The following TNS3 variants were observed in gnomAD, a reference collection of about 807,000 sequenced individuals.
TNS3 encodes tensin 3, also known as tensin-3.
TNS3 carries 45 observed loss-of-function variants against 140.9 expected under a neutral mutation model. The observed-to-expected ratio is 0.32, with a 90% confidence interval of 0.25 to 0.41. The LOEUF (loss-of-function observed/expected upper bound fraction) is 0.41, where lower values mean the gene tolerates loss of function less well. Among genes scored for constraint, TNS3 ranks in the 10% least tolerant of loss-of-function variants. The pLI, the probability that TNS3 is intolerant of heterozygous loss-of-function variation, is 1.00. For missense variants in TNS3, 1,716 were observed against 1,906.7 expected (o/e 0.90, Z 1.86); for synonymous variants, 815 against 788.4 (o/e 1.03, Z -0.56).
intron 3 of TNS3, among the ~76,000 whole-genome samples, chr7:47,496,548 T>C (rs1798013744): frequency 6.6e-6 from 1 of 152,172 alleles, no homozygotes. Flanking sequence ...CAGCAGGGTA[T>C]AAACCCTCAT....
At chr7:47,545,502 C>G (rs576894489) in intron 1 of TNS3, among the ~76,000 whole-genome samples, 1 of 152,288 alleles carries the variant, frequency 6.6e-6, no homozygotes, top group East Asian at 1.9e-4. Flanking sequence ...AGTTTAACAA[C>G]CTGCTCAGCT....
intron 3 of TNS3, among the ~76,000 whole-genome samples, chr7:47,484,155 G>A (rs1332143329): frequency 6.6e-6 from 1 of 152,160 alleles, no homozygotes; most frequent in Non-Finnish European, 1.5e-5. Flanking sequence ...TTGCACATGT[G>A]CTGTTACAAA....
chr7:47,513,386 C>T (rs1798672679), intron 2 of TNS3, among the ~76,000 whole-genome samples: 1 of 152,148 alleles, frequency 6.6e-6, no homozygotes, highest in South Asian at 2.1e-4. Flanking sequence ...CCAGGCTGGT[C>T]TTGAACTCCC....
intron 3 of TNS3, among the ~76,000 whole-genome samples, chr7:47,493,186 C>T (rs891581002): frequency 6.6e-6 from 1 of 152,116 alleles, no homozygotes; most frequent in Admixed American, 6.5e-5. Flanking sequence ...AGTGGTCATC[C>T]GTAAAGAAAA....
intron 23 of TNS3, among the ~76,000 whole-genome samples, chr7:47,298,834 G>C (rs1786209654): frequency 6.6e-6 from 1 of 152,256 alleles, no homozygotes; most frequent in Non-Finnish European, 1.5e-5. Context: ...CCGTGGCCCT[G>C]TGCACAGGAT....
At chr7:47,297,718 T>A (rs1372183860) in intron 23 of TNS3, among the ~76,000 whole-genome samples, 1 of 151,744 alleles carries the variant, frequency 6.6e-6, no homozygotes, top group African/African-American at 2.4e-5. Context: ...CTGCCCCCTG[T>A]GGCATTTTTC....
rs949576755 is a variant in TNS3, at chr7:47,559,801, T to C, written c.-265+22250A>G. Among the ~76,000 whole-genome samples the C allele has an allele frequency of 2.6e-5, 4 of 152,282 alleles. No homozygotes were observed. In the East Asian group the frequency reaches 5.8e-4, roughly 22 times the overall value. ...ATCTTCATCAGGGCAATGGGCAGCC[T>C]GGGGACCAGGACACGCAGAGAGAGC... On this transcript the variant is annotated intron_variant, in intron 1 of 30. Transcript: ENST00000311160.
chr7:47,464,594 C>G (rs891563661), intron 4 of TNS3, among the ~76,000 whole-genome samples: 1 of 152,140 alleles, frequency 6.6e-6, no homozygotes, highest in African/African-American at 2.4e-5. Context: ...CTTAGGGACC[C>G]TATCCCAGAA....
chr7:47,543,689 G>A (rs557658865), intron 1 of TNS3, among the ~76,000 whole-genome samples: 7 of 152,184 alleles, frequency 4.6e-5, no homozygotes, highest in Admixed American at 6.5e-5. Flanking sequence ...AGTAGATAAC[G>A]TGATGAATGA....
intron 1 of TNS3, among the ~76,000 whole-genome samples, chr7:47,558,382 T>C (rs1800252035): frequency 6.6e-6 from 1 of 152,160 alleles, no homozygotes; most frequent in African/African-American, 2.4e-5. Flanking sequence ...TCAGGCTAAC[T>C]TGACACTTGG....
At chr7:47,539,066 C>G (rs1471779980) in intron 1 of TNS3, 1 of 456,558 alleles carries the variant, frequency 2.2e-6, no homozygotes, top group Non-Finnish European at 4.4e-6. Context: ...GATCTACCAC[C>G]GCCCTTACCA....
intron 17 of TNS3, among the ~76,000 whole-genome samples, chr7:47,361,223 A>AAAAAAAAAAAAAAAAAAAAAAAC (rs1790308080): frequency 1.3e-5 from 2 of 149,380 alleles, no homozygotes; most frequent in Non-Finnish European, 3.0e-5. Flanking sequence ...AAAAAAAAAA[A>AAAAAAAAAAAAAAAAAAAAAAAC]ACAAGCAAGG....
At chr7:47,439,748 ATCCCCTGGG>A in intron 5 of TNS3, 90 bp from the exon 6 acceptor site, 1 of 1,389,632 alleles carries the variant, frequency 7.2e-7, no homozygotes, top group African/African-American at 1.4e-5. Flanking sequence ...ACGGACACTC[ATCCCCTGGG>A]TGTTCACATC....
intron 1 of TNS3, among the ~76,000 whole-genome samples, chr7:47,530,709 A>G (rs1799359805): frequency 6.6e-6 from 1 of 150,738 alleles, no homozygotes; most frequent in African/African-American, 2.4e-5. Context: ...CTGTAATCCC[A>G]GCTACTCGGG....
chr7:47,382,594 T>C (rs945383366), intron 16 of TNS3, among the ~76,000 whole-genome samples: 2 of 152,192 alleles, frequency 1.3e-5, no homozygotes, highest in African/African-American at 4.8e-5. Flanking sequence ...TGAAGGGTTG[T>C]AATTCTGTGC....
chr7:47,370,153 G>A (rs1184962626), intron 16 of TNS3, among the ~76,000 whole-genome samples: 1 of 152,132 alleles, frequency 6.6e-6, no homozygotes, highest in Non-Finnish European at 1.5e-5. Flanking sequence ...GCGCATGCCT[G>A]TAGTCCCAGC....
intron 4 of TNS3, among the ~76,000 whole-genome samples, chr7:47,466,151 A>T (rs1480912710): frequency 1.3e-5 from 2 of 151,424 alleles, no homozygotes; most frequent in Admixed American, 1.3e-4. Flanking sequence ...ATGTCACTTC[A>T]GTTCCTTTCT....
At chr7:47,476,903 A>G (rs1288108822) in intron 4 of TNS3, among the ~76,000 whole-genome samples, 1 of 152,222 alleles carries the variant, frequency 6.6e-6, no homozygotes, top group Non-Finnish European at 1.5e-5. Context: ...GAATTAATCT[A>G]ACCTCACATC....
intron 16 of TNS3, among the ~76,000 whole-genome samples, chr7:47,379,214 C>T (rs560066841): frequency 9.6e-4 from 146 of 152,270 alleles, no homozygotes; most frequent in Admixed American, 2.7e-3. Flanking sequence ...CTGCAGACAC[C>T]GAAAGACCTT....
Sources: allele counts gnomAD v4.1 joint callset (sites outside exome capture counted in the v4.1 genomes callset), GRCh38; gene constraint gnomAD v4.1.1; transcripts MANE v1.5; gene names NCBI Gene and HGNC (gene_info 2026-07-23, HGNC 2026-07-21).